Variants in SOCS6 observed in about 807,000 individuals in gnomAD.
The protein encoded by SOCS6 is suppressor of cytokine signaling 6, also known as STAT induced STAT inhibitor-4.
In SOCS6, 5 loss-of-function variants were observed where a neutral mutation model predicts 27.7. That is an observed-to-expected ratio of 0.18 (90% confidence interval 0.09 to 0.38). The LOEUF is 0.38. Ranked by LOEUF, SOCS6 falls within the 10% of genes least tolerant of loss-of-function variation. SOCS6 has a pLI of 1.00. For synonymous variants in SOCS6, 271 were observed against 260.0 expected (o/e 1.04, Z -0.41); for missense variants, 595 against 688.1 (o/e 0.86, Z 1.51).
Position 70,330,111 on chromosome 18 carries a change from T to A in SOCS6, c.*3835T>A. ...TGGTTTGTAAACAAATTATAGTAAT[T>A]TCTTGCACATTTTTGGAAATTAATT... On this transcript the variant is annotated 3_prime_UTR_variant, in exon 2 of 2. Transcript: ENST00000397942. The A allele has an allele frequency of 6.0e-6, 1 of 167,234 alleles. No individual in the cohort carries two copies. 10.4% of individuals were successfully genotyped at this position (167,234 alleles called of 1,614,324 possible). A position where few individuals can be genotyped will look rare whatever the true frequency, so the allele number is the denominator to read the frequency against.
chr18:70,312,492 C>G (rs748171988), intron 1 of SOCS6, among the ~76,000 whole-genome samples: 1 of 151,976 alleles, frequency 6.6e-6, no homozygotes, highest in Non-Finnish European at 1.5e-5. Flanking sequence ...CAAAGTTTTA[C>G]CAATTTACTT....
rs1911147440 is a variant in SOCS6, at chr18:70,325,125, G to T, written c.457G>T (p.Val153Leu). Residue 153 changes from valine (V) to leucine (L), a missense_variant, in exon 2 of 2, where the codon GTG (valine) becomes TTG (leucine). Around this residue, in one of 2 missense-constraint regions of SOCS6, gnomAD observed 467 missense variants for 481.1 expected, o/e 0.97. Coordinates refer to ENST00000397942, the MANE Select transcript of SOCS6 (RefSeq NM_004232.4). This position sits in a 1 kb window ranked among gnomAD's most constrained non-coding sequence, Gnocchi z 6.3. ...NSEETCIKME[V>L]RVKALVHSSS... ...CGAGGAGACCTGCATCAAGATGGAG[G>T]TGAGAGTCAAGGCCTTGGTTCACTC... is the stretch of plus-strand genomic sequence containing the variant. The T allele has an allele frequency of 6.2e-7, 1 of 1,614,042 alleles. No homozygotes were observed. The highest frequency in any genetic ancestry group is 1.7e-5 in the Admixed American group (1 of 60,000).
rs1911246877 is a variant in SOCS6, at chr18:70,327,319, A to T, written c.*1043A>T. ...TGAATAGAAAGAAAACATTGTTTTA[A>T]AGTTGGATTTATATTTTTCTTCTAT... On this transcript the variant is annotated 3_prime_UTR_variant, in exon 2 of 2. Coordinates refer to ENST00000397942, the MANE Select transcript of SOCS6 (RefSeq NM_004232.4). The T allele has an allele frequency of 6.0e-6, 1 of 166,758 alleles. No homozygotes were observed. Among genetic ancestry groups the T allele is most frequent in the African/African-American group, 2.4e-5 (1 of 41,430 alleles). 10.3% of individuals were successfully genotyped at this position (166,758 alleles called of 1,614,324 possible).
intron 1 of SOCS6, among the ~76,000 whole-genome samples, chr18:70,318,705 A>G (rs550838600): frequency 3.3e-5 from 5 of 152,278 alleles, no homozygotes; most frequent in South Asian, 4.1e-4. Context: ...TGGGAGGCCA[A>G]AGCGGGTGGA....
At chr18:70,310,784 T>A (rs2062387860) in intron 1 of SOCS6, among the ~76,000 whole-genome samples, 1 of 152,198 alleles carries the variant, frequency 6.6e-6, no homozygotes, top group African/African-American at 2.4e-5. Flanking sequence ...GGTTCTGTGT[T>A]GCCATGCCTG....
rs555103357 is a variant in SOCS6 at position 70,301,658 on chromosome 18, T to C, written c.-127+12568T>C. On this transcript the variant is annotated intron_variant, in intron 1 of 1. Transcript: ENST00000397942. ...GGTCTGTAAATGAAGAGAGAGAATTTGGGAGTGTAGGGCACATCGATGCTA... is the reference window on the plus strand; with the variant it reads ...GGTCTGTAAATGAAGAGAGAGAATTCGGGAGTGTAGGGCACATCGATGCTA... Among the ~76,000 whole-genome samples, 84 of 151,248 alleles carry C rather than the reference T, an allele frequency of 5.6e-4. 1 individual carries two copies. The highest frequency in any genetic ancestry group is 2.0e-3 in the African/African-American group (83 of 41,490).
At chr18:70,313,159 C>A (rs932348044) in intron 1 of SOCS6, among the ~76,000 whole-genome samples, 9 of 152,094 alleles carry the variant, frequency 5.9e-5, no homozygotes, top group Admixed American at 1.3e-4. Flanking sequence ...CTCCCTCTTG[C>A]TTTTGTGATT....
chr18:70,302,765 C>T (rs2062353906), intron 1 of SOCS6, among the ~76,000 whole-genome samples: 1 of 124,928 alleles, frequency 8.0e-6, no homozygotes, highest in Non-Finnish European at 1.7e-5. Context: ...TATATATACA[C>T]CAGTATAAAA....
Position 70,298,359 on chromosome 18 carries a change from A to G in SOCS6, c.-127+9269A>G, listed in dbSNP as rs568826802. On this transcript the variant is annotated intron_variant, in intron 1 of 1. Transcript: ENST00000397942. ...AATTTGCTATATTTTTAGTTAAAAT[A>G]ATTTTGTTTACATTAAAATGTTAAA... 9.8e-5 allele frequency among the ~76,000 whole-genome samples: 15 copies of G among 152,304 alleles called. No homozygotes were observed. In the East Asian group the frequency reaches 2.9e-3, roughly 29 times the overall value.
rs990342570 is a variant in SOCS6 at position 70,329,331 on chromosome 18, C to T, written c.*3055C>T. The T allele has an allele frequency of 7.8e-5, 13 of 166,938 alleles. No individual in the cohort carries two copies. Among genetic ancestry groups the T allele is most frequent in the Non-Finnish European group, 1.8e-4 (12 of 68,068 alleles). The allele number at this position is 166,938 out of a possible 1,614,324, so 10.3% of individuals were successfully genotyped here. A position where few individuals can be genotyped will look rare whatever the true frequency, so the allele number is the denominator to read the frequency against. On this transcript the variant is annotated 3_prime_UTR_variant, in exon 2 of 2. Coordinates refer to ENST00000397942, the MANE Select transcript of SOCS6 (RefSeq NM_004232.4). ...CATCTTGCTGTTGAAGAAAACAGTT[C>T]CAAAAGGCTAAATCATTGGCATAAA...
chr18:70,297,646 A>C (rs895659104), intron 1 of SOCS6, among the ~76,000 whole-genome samples: 29 of 152,200 alleles, frequency 1.9e-4, no homozygotes, highest in African/African-American at 6.8e-4. Context: ...CAATCAGATT[A>C]TTGTTTTATA....
Position 70,326,074 on chromosome 18 carries a change from CT to C in SOCS6, c.1411del (p.Cys471ValfsTer17). ...EHSIRDSENGAFCYSRSRLPG... is the reference protein window; with the variant it reads ...EHSIRDSENGXFCYSRSRLPG... ...TCAATCAGGGACTCTGAAAATGGAGCTTTTTGTTATTCAAGGTCTCGGCTGC... is the reference window on the plus strand; with the variant it reads ...TCAATCAGGGACTCTGAAAATGGAGCTTTTGTTATTCAAGGTCTCGGCTGC... On this transcript the variant is annotated frameshift_variant, in exon 2 of 2. Transcript: ENST00000397942. LOFTEE classifies it high-confidence loss of function. 6.2e-7 allele frequency: 1 copy of C among 1,614,184 alleles called. No homozygotes were observed. The highest frequency in any genetic ancestry group is 8.5e-7 in the Non-Finnish European group (1 of 1,180,022).
chr18:70,289,808 C>T (rs1025409792), intron 1 of SOCS6, among the ~76,000 whole-genome samples: 2 of 152,142 alleles, frequency 1.3e-5, no homozygotes, highest in African/African-American at 4.8e-5. Flanking sequence ...GAATTTAAAC[C>T]GCTCCTGGGA....
intron 1 of SOCS6, among the ~76,000 whole-genome samples, chr18:70,322,878 G>C (rs928213246): frequency 1.3e-5 from 2 of 152,024 alleles, no homozygotes; most frequent in Non-Finnish European, 1.5e-5. Context: ...AACTAAAAGG[G>C]GACAATTGTC....
intron 1 of SOCS6, among the ~76,000 whole-genome samples, chr18:70,298,932 C>T (rs1366710417): frequency 6.6e-6 from 1 of 152,098 alleles, no homozygotes; most frequent in African/African-American, 2.4e-5. Flanking sequence ...CGAGACCAGC[C>T]TGACCAACGT....
chr18:70,315,169 C>A (rs1261746221), intron 1 of SOCS6, among the ~76,000 whole-genome samples: 1 of 151,716 alleles, frequency 6.6e-6, no homozygotes, highest in East Asian at 1.9e-4. Context: ...TTTTTTTGGT[C>A]GTCTTTGTCA....
At chr18:70,295,494 A>G (rs1364319998) in intron 1 of SOCS6, among the ~76,000 whole-genome samples, 3 of 152,222 alleles carry the variant, frequency 2.0e-5, no homozygotes, top group Non-Finnish European at 4.4e-5. Flanking sequence ...GATGTGTATA[A>G]TAATGGTGTT....
In SOCS6 at chr18:70,326,444, C is replaced by A; in HGVS notation, c.*168C>A. On this transcript the variant is annotated 3_prime_UTR_variant, in exon 2 of 2. Transcript: ENST00000397942. ...GGGTGGGGAAGTGTCAGCAAGGTGTCTTGGGTTTATTTTGGTTCTTTAAAA... is the reference window on the plus strand; with the variant it reads ...GGGTGGGGAAGTGTCAGCAAGGTGTATTGGGTTTATTTTGGTTCTTTAAAA... 1 of 625,826 alleles carries A rather than the reference C, an allele frequency of 1.6e-6. No individual in the cohort carries two copies. The highest frequency in any genetic ancestry group is 2.8e-6 in the Non-Finnish European group (1 of 358,934). The allele number at this position is 625,826 out of a possible 1,614,324, so 38.8% of individuals were successfully genotyped here.
intron 1 of SOCS6, among the ~76,000 whole-genome samples, chr18:70,319,608 T>TAAAAAA (rs34494275): frequency 2.4e-5 from 3 of 126,348 alleles, no homozygotes; most frequent in African/African-American, 8.6e-5. Flanking sequence ...AGCACTTCAG[T>TAAAAAA]AAAAAAAAAA....
Sources: gnomAD v4.1 joint callset for allele counts (sites outside exome capture counted in the v4.1 genomes callset) on GRCh38, gnomAD v4.1.1 for gene constraint, gnomAD v4.1.1 regional missense constraint, Gnocchi (gnomAD v3.1) non-coding constraint, MANE v1.5 for transcripts, NCBI Gene and HGNC (gene_info 2026-07-23, HGNC 2026-07-21) for gene names.